The following SYT14 variants were observed in gnomAD, a reference collection of about 807,000 sequenced individuals.
SYT14 encodes synaptotagmin-14.
SYT14 carries 32 observed loss-of-function variants against 74.2 expected under a neutral mutation model. That is an observed-to-expected ratio of 0.43 (90% CI 0.33 to 0.58). SYT14 has a LOEUF of 0.58. SYT14 is among the 20% of genes least tolerant of loss of function. SYT14 has a pLI of 0.05. For missense variants in SYT14, 791 were observed against 981.8 expected (o/e 0.81, Z 2.60); for synonymous variants, 298 against 337.7 (o/e 0.88, Z 1.29).
intron 7 of SYT14, among the ~76,000 whole-genome samples, chr1:210,142,038 T>A (rs894001782): frequency 1.1e-4 from 17 of 152,232 alleles, no homozygotes; most frequent in Admixed American, 7.9e-4. Flanking sequence ...CAACAGATGT[T>A]CTAAGGATAT....
intron 7 of SYT14, among the ~76,000 whole-genome samples, chr1:210,115,866 A>G (rs2082350348): frequency 1.3e-5 from 2 of 151,310 alleles, no homozygotes; most frequent in Non-Finnish European, 2.9e-5. Flanking sequence ...ATCTGTGTGA[A>G]GAGACCACCA....
intron 5 of SYT14, 117 bp downstream of exon 4, chr1:210,021,371 C>G: frequency 1.0e-6 from 1 of 975,420 alleles, no homozygotes; most frequent in African/African-American, 1.6e-5. Context: ...ACAGTACAGT[C>G]ACATTTCTGG....
At chr1:210,049,571 A>G (rs1433332451) in intron 5 of SYT14, among the ~76,000 whole-genome samples, 2 of 151,752 alleles carry the variant, frequency 1.3e-5, no homozygotes, top group South Asian at 2.1e-4. Flanking sequence ...TCCTAATGCT[A>G]TCCCTCCCCT....
intron 5 of SYT14, among the ~76,000 whole-genome samples, chr1:210,092,598 T>C (rs1038814060): frequency 5.9e-5 from 9 of 152,254 alleles, no homozygotes; most frequent in Non-Finnish European, 8.8e-5. Flanking sequence ...CTTGTCTCTT[T>C]ACTATTCTGG....
chr1:209,945,502 A>G (rs972583996), intron 1 of SYT14, among the ~76,000 whole-genome samples: 3 of 152,226 alleles, frequency 2.0e-5, no homozygotes, highest in Non-Finnish European at 4.4e-5. Flanking sequence ...CTTACGATGT[A>G]CAGTGTAGGT....
At chr1:210,046,797 A>G (rs1163415383) in intron 5 of SYT14, among the ~76,000 whole-genome samples, 3 of 152,152 alleles carry the variant, frequency 2.0e-5, no homozygotes, top group Non-Finnish European at 4.4e-5. Flanking sequence ...GTTTTTTACT[A>G]TTAGGAATAA....
At chr1:209,957,275 C>T (rs889299863) in intron 2 of SYT14, among the ~76,000 whole-genome samples, 1 of 152,080 alleles carries the variant, frequency 6.6e-6, no homozygotes, top group African/African-American at 2.4e-5. Context: ...TTGTTTACAC[C>T]AAAGCCTTTC....
intron 5 of SYT14, among the ~76,000 whole-genome samples, chr1:210,033,568 A>T (rs1426453080): frequency 6.6e-6 from 1 of 151,662 alleles, no homozygotes; most frequent in Non-Finnish European, 1.5e-5. Flanking sequence ...CTTGATATGT[A>T]CTCATAAGGG....
At chr1:210,124,871 G>T (rs867905212) in intron 7 of SYT14, among the ~76,000 whole-genome samples, 54 of 146,066 alleles carry the variant, frequency 3.7e-4, no homozygotes, top group African/African-American at 1.2e-3. Flanking sequence ...TTTTTGTGTG[G>T]TTTTTTTTTT....
At chr1:210,063,669 A>G (rs2081245892) in intron 5 of SYT14, among the ~76,000 whole-genome samples, 1 of 151,692 alleles carries the variant, frequency 6.6e-6, no homozygotes, top group Admixed American at 6.6e-5. Flanking sequence ...CATCATTTCT[A>G]CGTTGTATTC....
rs1326297224 is a variant in SYT14 at position 210,083,439 on chromosome 1, GT to G, written c.1313-10882del. Among the ~76,000 whole-genome samples, 13 of 152,308 alleles carry G rather than the reference GT, an allele frequency of 8.5e-5. 1 individual carries two copies. Among genetic ancestry groups the G allele is most frequent in the Admixed American group, 8.5e-4 (13 of 15,308 alleles). On this transcript the variant is annotated intron_variant, in intron 5 of 9. Coordinates refer to ENST00000637265, the Ensembl canonical transcript of SYT14. ...GATTATATATTTATTTTATAACAGG[GT>G]CATGCTCTGTGGCTCAGGTTGGAGT...
At chr1:209,972,184 G>C (rs2223340) in intron 2 of SYT14, among the ~76,000 whole-genome samples, 1 of 152,030 alleles carries the variant, frequency 6.6e-6, no homozygotes, top group Non-Finnish European at 1.5e-5. Context: ...AGAGATATTC[G>C]TAGTAGTCTC....
chr1:209,991,745 G>T (rs1051983893), intron 2 of SYT14, among the ~76,000 whole-genome samples: 1 of 151,780 alleles, frequency 6.6e-6, no homozygotes, highest in South Asian at 2.1e-4. Flanking sequence ...CATGAGAATC[G>T]CTTGAACCTA....
At chr1:210,163,428 T>A (rs1167828395) in exon 10 of SYT14, 2 of 453,806 alleles carry the variant, frequency 4.4e-6, no homozygotes, top group Non-Finnish European at 8.8e-6. Context: ...TCAAAGATTA[T>A]AAATTATCTA....
At chr1:209,952,510 T>C (rs1327330681) in intron 1 of SYT14, among the ~76,000 whole-genome samples, 199 bp from the exon 2 acceptor site, 2 of 152,316 alleles carry the variant, frequency 1.3e-5, no homozygotes, top group East Asian at 3.9e-4. Context: ...ATTCCGAGAC[T>C]TCCTAAGACC....
rs553642611 is a variant in SYT14 at position 209,976,170 on chromosome 1, A to AT, written c.-486+23420dup. ...AAAAAACCAGCTCCTGGATTCATTGATTTTTTCAAGGGTTTTTTGTGTCTC... is the reference window on the plus strand; with the variant it reads ...AAAAAACCAGCTCCTGGATTCATTGATTTTTTTCAAGGGTTTTTTGTGTCTC... On this transcript the variant is annotated intron_variant, in intron 2 of 9. Transcript: ENST00000637265. Among the ~76,000 whole-genome samples the AT allele has an allele frequency of 3.1e-3, 470 of 151,552 alleles. 5 individuals are homozygous for AT. The highest frequency in any genetic ancestry group is 0.01 in the African/African-American group (424 of 41,266).
intron 5 of SYT14, among the ~76,000 whole-genome samples, chr1:210,082,759 GT>G (rs886667540): frequency 1.3e-5 from 2 of 152,122 alleles, no homozygotes; most frequent in African/African-American, 4.8e-5. Context: ...GATAGCCTCT[GT>G]TTGATACTAA....
At chr1:209,964,429 T>C (rs1459973382) in intron 2 of SYT14, among the ~76,000 whole-genome samples, 3 of 152,216 alleles carry the variant, frequency 2.0e-5, no homozygotes, top group Non-Finnish European at 4.4e-5. Context: ...TCTATTCATC[T>C]ATATGTGTTT....
At chr1:210,049,792 C>G (rs533570882) in intron 5 of SYT14, among the ~76,000 whole-genome samples, 1 of 152,184 alleles carries the variant, frequency 6.6e-6, no homozygotes, top group African/African-American at 2.4e-5. Flanking sequence ...TCTGAAGCCA[C>G]GGCCCGAGCT....
Sources: allele counts gnomAD v4.1 joint callset (sites outside exome capture counted in the v4.1 genomes callset), GRCh38; gene constraint gnomAD v4.1.1; transcripts MANE v1.5; gene names NCBI Gene and HGNC (gene_info 2026-07-23, HGNC 2026-07-21).